The following CYP3A7 variants were observed in gnomAD, a reference collection of about 807,000 sequenced individuals.
The protein encoded by CYP3A7 is cytochrome P450 family 3 subfamily A member 7.
In CYP3A7, 45 loss-of-function variants were observed where a neutral mutation model predicts 55.2. That is an observed-to-expected ratio of 0.82 (90% confidence interval 0.64 to 1.05). CYP3A7 has a LOEUF of 1.05. Among genes scored for constraint, CYP3A7 ranks in the 50% least tolerant of loss-of-function variants. CYP3A7 has a pLI of 0.00. For missense variants in CYP3A7, 548 were observed against 605.3 expected (o/e 0.91, Z 0.99); for synonymous variants, 180 against 207.4 (o/e 0.87, Z 1.13).
At chr7:99,706,627 T>C (rs1813532797) in intron 12 of CYP3A7, among the ~76,000 whole-genome samples, 1 of 152,250 alleles carries the variant, frequency 6.6e-6, no homozygotes, top group Non-Finnish European at 1.5e-5. Context: ...GTTCCAAATC[T>C]TTCTATAAAT....
chr7:99,716,353 T>C (rs1813949379), intron 6 of CYP3A7, among the ~76,000 whole-genome samples: 1 of 152,198 alleles, frequency 6.6e-6, no homozygotes, highest in African/African-American at 2.4e-5. Context: ...TTCAGCACTT[T>C]ACAAAGCAAC....
At chr7:99,729,783 C>A (rs1295195065) in intron 2 of CYP3A7, among the ~76,000 whole-genome samples, 2 of 152,152 alleles carry the variant, frequency 1.3e-5, no homozygotes, top group East Asian at 3.8e-4. Context: ...TAACTTTCCA[C>A]TGCTTACCCC....
At chr7:99,711,914 CT>C (rs1422355235) in intron 9 of CYP3A7, among the ~76,000 whole-genome samples, 1 of 152,202 alleles carries the variant, frequency 6.6e-6, no homozygotes. Flanking sequence ...TGGATTATAT[CT>C]TTGAGAGGCA....
chr7:99,723,988 C>T (rs1467559258), intron 2 of CYP3A7, among the ~76,000 whole-genome samples: 2 of 152,322 alleles, frequency 1.3e-5, no homozygotes, highest in Non-Finnish European at 2.9e-5. Context: ...TTCACCTTGG[C>T]ACAAGTACCA....
intron 2 of CYP3A7, among the ~76,000 whole-genome samples, chr7:99,729,486 C>G (rs1814541456): frequency 6.6e-6 from 1 of 152,024 alleles, no homozygotes; most frequent in Non-Finnish European, 1.5e-5. Context: ...TTTTATTTTT[C>G]TTAATATAAA....
intron 1 of CYP3A7, among the ~76,000 whole-genome samples, chr7:99,732,884 C>T (rs548838041): frequency 4.1e-4 from 62 of 151,640 alleles, no homozygotes; most frequent in Admixed American, 7.2e-4. Context: ...ACATAAGTAA[C>T]CATAAAATGT....
chr7:99,715,164 A>G (rs1226880437), intron 7 of CYP3A7, among the ~76,000 whole-genome samples: 1 of 152,236 alleles, frequency 6.6e-6, no homozygotes, highest in Non-Finnish European at 1.5e-5. Context: ...TTAAGCAACC[A>G]ATAAGTTGAA....
Position 99,705,233 on chromosome 7 carries a change from G to C in CYP3A7, c.*267C>G, listed in dbSNP as rs1813474884. 1 of 372,684 alleles carries C rather than the reference G, an allele frequency of 2.7e-6. No individual in the cohort carries two copies. Among genetic ancestry groups the C allele is most frequent in the African/African-American group, 2.1e-5 (1 of 48,690 alleles). The allele number at this position is 372,684 out of a possible 1,614,324, so 23.1% of individuals were successfully genotyped here. Reference sequence around the variant, plus strand: ...CAGGAGGAGTTAATGGTGCTAACTGGGGGTGGTGGAGATAGTCCTATGAGA... The same window carrying C: ...CAGGAGGAGTTAATGGTGCTAACTGCGGGTGGTGGAGATAGTCCTATGAGA... On this transcript the variant is annotated 3_prime_UTR_variant, in exon 13 of 13. Coordinates refer to ENST00000336374, the MANE Select transcript of CYP3A7 (RefSeq NM_000765.5).
At chr7:99,708,483 T>C (rs1813606736) in intron 11 of CYP3A7, among the ~76,000 whole-genome samples, 2 of 151,852 alleles carry the variant, frequency 1.3e-5, no homozygotes, top group Non-Finnish European at 1.5e-5. Flanking sequence ...CTCTCCTCCT[T>C]CTCCTCCTTC....
chr7:99,732,872 C>T lies in CYP3A7; in HGVS notation c.72-1720G>A, dbSNP rs1443872344. On this transcript the variant is annotated intron_variant, in intron 1 of 12. Coordinates refer to ENST00000336374, the MANE Select transcript of CYP3A7 (RefSeq NM_000765.5). ...TGTTGATAGCAAAAGATGGAGTATT[C>T]CACATAAGTAACCATAAAATGTTCC... is the stretch of plus-strand genomic sequence containing the variant. Among the ~76,000 whole-genome samples, 5 of 151,960 alleles carry T rather than the reference C, an allele frequency of 3.3e-5. No homozygotes were observed. In the East Asian group the frequency reaches 9.6e-4, roughly 29 times the overall value.
At chr7:99,728,622 A>G (rs1672534022) in intron 2 of CYP3A7, among the ~76,000 whole-genome samples, 1 of 152,162 alleles carries the variant, frequency 6.6e-6, no homozygotes, top group Non-Finnish European at 1.5e-5. Context: ...TGCTAATTGG[A>G]CAGGTACATG....
intron 9 of CYP3A7, 131 bp downstream of exon 9, chr7:99,713,338 C>T: frequency 7.1e-7 from 1 of 1,403,602 alleles, no homozygotes; most frequent in Non-Finnish European, 9.9e-7. Flanking sequence ...ACCATTTTAA[C>T]ATCCAAACCT....
intron 1 of CYP3A7, 150 bp downstream of exon 1, chr7:99,734,873 A>G (rs1345224136): frequency 6.0e-6 from 7 of 1,175,838 alleles, no homozygotes; most frequent in Non-Finnish European, 8.8e-6. Context: ...CCACCTGCTC[A>G]GCATCCCAAA....
chr7:99,730,628 G>A (rs1368327586), intron 2 of CYP3A7: 3 of 184,564 alleles, frequency 1.6e-5, no homozygotes, highest in South Asian at 1.2e-4. Flanking sequence ...AGGGAAAAAA[G>A]CCTATTCATG....
chr7:99,730,258 C>A (rs1188967470), intron 2 of CYP3A7, among the ~76,000 whole-genome samples: 3 of 152,086 alleles, frequency 2.0e-5, no homozygotes, highest in Non-Finnish European at 2.9e-5. Flanking sequence ...CAAATCATCC[C>A]CTTTCTAGTG....
At chr7:99,715,062 A>C (rs1328311332) in intron 7 of CYP3A7, among the ~76,000 whole-genome samples, 1 of 152,252 alleles carries the variant, frequency 6.6e-6, no homozygotes, top group Non-Finnish European at 1.5e-5. Context: ...AACACAGTGT[A>C]TCTCTGTCAC....
rs145642993 is a variant in CYP3A7 at position 99,707,583 on chromosome 7, A to G, written c.1416+229T>C. Among the ~76,000 whole-genome samples, 51 of 152,338 alleles carry G rather than the reference A, an allele frequency of 3.3e-4. No homozygotes were observed. The East Asian group carries it at 6.4e-3, about 19-fold the overall frequency. On this transcript the variant is annotated intron_variant, in intron 12 of 12. Transcript: ENST00000336374. ...GCTCAAGTTCAAGGAGACTGTAGAT[A>G]ATCATGTCATGCTAGTCTACATTGA... is the stretch of plus-strand genomic sequence containing the variant.
At chr7:99,715,522 G>T (rs1329155831) in intron 7 of CYP3A7, 4 of 597,054 alleles carry the variant, frequency 6.7e-6, no homozygotes, top group Non-Finnish European at 1.1e-5. Flanking sequence ...TTGACTAGTG[G>T]TTATATACGA....
chr7:99,731,596 A>G (rs1489791297), intron 1 of CYP3A7, among the ~76,000 whole-genome samples: 1 of 152,186 alleles, frequency 6.6e-6, no homozygotes, highest in Non-Finnish European at 1.5e-5. Flanking sequence ...GCATCACTGC[A>G]TCCACTCAGT....
Sources: gnomAD v4.1 joint callset for allele counts (sites outside exome capture counted in the v4.1 genomes callset) on GRCh38, gnomAD v4.1.1 for gene constraint, MANE v1.5 for transcripts, NCBI Gene and HGNC (gene_info 2026-07-23, HGNC 2026-07-21) for gene names.